Variants in EEPD1 observed in about 807,000 individuals in gnomAD.
EEPD1 encodes endonuclease/exonuclease/phosphatase family domain containing 1.
A neutral mutation model predicts 46.3 loss-of-function variants in EEPD1; 17 were observed. The ratio of observed to expected loss-of-function variants is 0.37; its 90% CI spans 0.25 to 0.55. EEPD1 has a LOEUF of 0.55. EEPD1 is among the 20% of genes least tolerant of loss of function. The pLI, the probability that EEPD1 is intolerant of heterozygous loss-of-function variation, is 0.83. For missense variants in EEPD1, 673 were observed against 745.6 expected (o/e 0.90, Z 1.13); for synonymous variants, 313 against 315.6 (o/e 0.99, Z 0.09).
intron 3 of EEPD1, among the ~76,000 whole-genome samples, chr7:36,275,706 C>G (rs550394049): frequency 6.6e-6 from 1 of 152,184 alleles, no homozygotes; most frequent in Non-Finnish European, 1.5e-5. Context: ...GTGATCCACC[C>G]GCTTCGCCCT....
intron 3 of EEPD1, among the ~76,000 whole-genome samples, chr7:36,270,859 A>G (rs972665206): frequency 5.3e-5 from 8 of 152,216 alleles, no homozygotes; most frequent in Admixed American, 1.3e-4. Flanking sequence ...TTCTAGTTCT[A>G]GATCCTTGAG....
At chr7:36,289,534 G>A (rs746144043) in intron 6 of EEPD1, among the ~76,000 whole-genome samples, 10 of 152,054 alleles carry the variant, frequency 6.6e-5, no homozygotes, top group Non-Finnish European at 7.4e-5. Flanking sequence ...TGTGTGTGTC[G>A]CCCAGGCTGG....
chr7:36,273,574 GAGA>G (rs1787142877), intron 3 of EEPD1, among the ~76,000 whole-genome samples: 1 of 151,966 alleles, frequency 6.6e-6, no homozygotes, highest in Admixed American at 6.6e-5. Flanking sequence ...AATTATCACA[GAGA>G]AGGAGGGAGA....
intron 2 of EEPD1, among the ~76,000 whole-genome samples, chr7:36,162,924 G>T (rs895004842): frequency 3.9e-5 from 6 of 152,196 alleles, no homozygotes; most frequent in Admixed American, 1.3e-4. Flanking sequence ...CGGATCTGAA[G>T]TCTTGTTTGC....
At position 36,237,985 on chromosome 7, in the gene EEPD1, G is replaced by T. The variant is rs1786488238; in HGVS notation, c.879-1000G>T. The stretch of plus-strand genomic sequence containing the variant: ...AAAGAATGGCTAGGTATTTTTATGG[G>T]TTTTTTTATTATATGCTAAATAAGG... On this transcript the variant is annotated intron_variant, in intron 2 of 7. Coordinates refer to ENST00000242108, the MANE Select transcript of EEPD1 (RefSeq NM_030636.3). Among the ~76,000 whole-genome samples the T allele has an allele frequency of 2.6e-5, 4 of 152,056 alleles. No homozygotes were observed. The South Asian group carries it at 8.3e-4, about 31-fold the overall frequency.
At chr7:36,288,860 GGTT>G (rs1355996918) in intron 6 of EEPD1, among the ~76,000 whole-genome samples, 1 of 152,102 alleles carries the variant, frequency 6.6e-6, no homozygotes, top group Non-Finnish European at 1.5e-5. Flanking sequence ...CAAAAGAAAA[GGTT>G]GACAAGGCTG....
chr7:36,221,464 G>T (rs1425517000), intron 2 of EEPD1, among the ~76,000 whole-genome samples: 1 of 152,162 alleles, frequency 6.6e-6, no homozygotes, highest in Admixed American at 6.5e-5. Context: ...GATTGATCTG[G>T]AATTAAAGTG....
At chr7:36,278,345 G>A (rs1410183950) in intron 3 of EEPD1, among the ~76,000 whole-genome samples, 2 of 152,180 alleles carry the variant, frequency 1.3e-5, no homozygotes, top group South Asian at 2.1e-4. Flanking sequence ...GTATCTGAAG[G>A]TCCTCCTGGG....
chr7:36,226,327 A>T (rs891047406), intron 2 of EEPD1, among the ~76,000 whole-genome samples: 2 of 152,190 alleles, frequency 1.3e-5, no homozygotes, highest in African/African-American at 4.8e-5. Flanking sequence ...CTTATGAGGG[A>T]AGCAGCGTGC....
intron 3 of EEPD1, among the ~76,000 whole-genome samples, chr7:36,243,425 T>TTCAA (rs964081085): frequency 6.6e-6 from 1 of 152,194 alleles, no homozygotes; most frequent in African/African-American, 2.4e-5. Flanking sequence ...ATAGTCTTAA[T>TTCAA]TCAATAGGTA....
At position 36,219,674 on chromosome 7, in the gene EEPD1, A is replaced by G. The variant is rs113960223; in HGVS notation, c.879-19311A>G. Among the ~76,000 whole-genome samples the G allele has an allele frequency of 2.2e-3, 335 of 151,380 alleles. 3 individuals are homozygous for G. Among genetic ancestry groups the G allele is most frequent in the African/African-American group, 7.6e-3 (310 of 41,000 alleles). ...AGGAAGAGGAAGGAAGGAAAGAAGG[A>G]AAGAAGGAAAGAAGAAGAAAGAAGT... On this transcript the variant is annotated intron_variant, in intron 2 of 7. Coordinates refer to ENST00000242108, the MANE Select transcript of EEPD1 (RefSeq NM_030636.3).
chr7:36,205,648 C>T (rs1484694227), intron 2 of EEPD1, among the ~76,000 whole-genome samples: 1 of 152,190 alleles, frequency 6.6e-6, no homozygotes, highest in African/African-American at 2.4e-5. Flanking sequence ...AGGTTAAAAG[C>T]ATAGAATGTG....
At chr7:36,181,655 T>C (rs1785270412) in intron 2 of EEPD1, among the ~76,000 whole-genome samples, 1 of 152,164 alleles carries the variant, frequency 6.6e-6, no homozygotes, top group African/African-American at 2.4e-5. Context: ...GTGTAGGAGA[T>C]AAAGAAATAT....
At chr7:36,251,649 C>T (rs775034903) in intron 3 of EEPD1, among the ~76,000 whole-genome samples, 1 of 152,162 alleles carries the variant, frequency 6.6e-6, no homozygotes, top group Non-Finnish European at 1.5e-5. Context: ...TCTCATCCTA[C>T]ACAGCCAACC....
At position 36,284,672 on chromosome 7, in the gene EEPD1, C is replaced by A. The variant is rs1276780249; in HGVS notation, c.1042-14C>A. 1 of 1,609,292 alleles carries A rather than the reference C, an allele frequency of 6.2e-7. No homozygotes were observed. The highest frequency in any genetic ancestry group is 8.5e-7 in the Non-Finnish European group (1 of 1,177,830). ...GGCTCTGGCACCAAGACTCTGTCTCCCTCTCCGCTGCAGGGAGCTGGGTAT... is the reference window on the plus strand; with the variant it reads ...GGCTCTGGCACCAAGACTCTGTCTCACTCTCCGCTGCAGGGAGCTGGGTAT... On this transcript the variant is annotated splice_polypyrimidine_tract_variant and intron_variant, in intron 4 of 7. Transcript: ENST00000242108.
chr7:36,201,813 G>A (rs1193587954), intron 2 of EEPD1, among the ~76,000 whole-genome samples: 1 of 152,134 alleles, frequency 6.6e-6, no homozygotes, highest in Admixed American at 6.5e-5. Flanking sequence ...AATCTGAGAT[G>A]AGAAACTTTC....
chr7:36,262,392 G>A (rs1483851596), intron 3 of EEPD1, among the ~76,000 whole-genome samples: 2 of 152,190 alleles, frequency 1.3e-5, no homozygotes, highest in Non-Finnish European at 2.9e-5. Context: ...CAGAATGAGA[G>A]ACCAAGGCAA....
intron 6 of EEPD1, among the ~76,000 whole-genome samples, chr7:36,295,680 T>G (rs775660205): frequency 6.6e-6 from 1 of 152,168 alleles, no homozygotes; most frequent in Non-Finnish European, 1.5e-5. Context: ...GCTGGCAGTA[T>G]TTATCCAGAG....
At chr7:36,160,679 G>GGGC (rs199691345) in intron 2 of EEPD1, among the ~76,000 whole-genome samples, 2 of 115,684 alleles carry the variant, frequency 1.7e-5, no homozygotes, top group Admixed American at 8.1e-5. Flanking sequence ...GAGGTGGTGG[G>GGGC]GGGCGGGGCG....
Sources: allele counts gnomAD v4.1 joint callset (sites outside exome capture counted in the v4.1 genomes callset), GRCh38; gene constraint gnomAD v4.1.1; transcripts MANE v1.5; gene names NCBI Gene and HGNC (gene_info 2026-07-23, HGNC 2026-07-21).